Variants in ELN observed in about 807,000 individuals in gnomAD.
ELN encodes the protein tropoelastin.
Under a neutral mutation model 105.8 loss-of-function variants are expected in ELN, and 65 were observed. The ratio of observed to expected loss-of-function variants is 0.61; its 90% confidence interval spans 0.50 to 0.75. The LOEUF (loss-of-function observed/expected upper bound fraction) is 0.75, where lower values mean the gene tolerates loss of function less well. ELN is among the 30% of genes least tolerant of loss of function. The pLI, the probability that ELN is intolerant of heterozygous loss-of-function variation, is 0.00. For synonymous variants in ELN, 368 were observed against 389.2 expected (o/e 0.95, Z 0.64); for missense variants, 882 against 969.4 (o/e 0.91, Z 1.20).
At chr7:74,039,749 A>G (rs1790753560) in intron 4 of ELN, among the ~76,000 whole-genome samples, 1 of 152,244 alleles carries the variant, frequency 6.6e-6, no homozygotes, top group South Asian at 2.1e-4. Flanking sequence ...AGGTTGCACA[A>G]CTAGGTGCTT....
intron 32 of ELN, among the ~76,000 whole-genome samples, chr7:74,067,933 CAA>C (rs782107951): frequency 6.1e-3 from 122 of 19,888 alleles, no homozygotes; most frequent in African/African-American, 0.014. Flanking sequence ...GATTGCGTCT[CAA>C]AAAAAAAAAA....
At chr7:74,045,119 T>A in intron 9 of ELN, 103 bp from the exon 10 acceptor site, 1 of 1,312,754 alleles carries the variant, frequency 7.6e-7, no homozygotes, top group Admixed American at 1.7e-5. Flanking sequence ...TCACTGACAG[T>A]CAGTCCCAAG....
intron 15 of ELN, 110 bp from the exon 16 acceptor site, chr7:74,051,640 C>T: frequency 7.8e-7 from 1 of 1,278,652 alleles, no homozygotes; most frequent in South Asian, 1.3e-5. Context: ...ACCCGGGCCC[C>T]ATTCCTGGAT....
At position 74,068,769 on chromosome 7, in the gene ELN, C is replaced by T; in HGVS notation, c.*69C>T. On this transcript the variant is annotated 3_prime_UTR_variant, in exon 33 of 33. Transcript: ENST00000252034. ...TACTGCTTGGTGGAGAATGTAAACCCTTTGTAACCCCATCCCATGCCCCTC... is the reference window on the plus strand; with the variant it reads ...TACTGCTTGGTGGAGAATGTAAACCTTTTGTAACCCCATCCCATGCCCCTC... The T allele has an allele frequency of 6.3e-7, 1 of 1,585,994 alleles. No individual in the cohort carries two copies. The highest frequency in any genetic ancestry group is 1.7e-5 in the Admixed American group (1 of 59,930).
chr7:74,060,342 G>A, intron 24 of ELN, 34 bp from the exon 25 acceptor site: 1 of 1,614,110 alleles, frequency 6.2e-7, no homozygotes, highest in African/African-American at 1.3e-5. Flanking sequence ...CATGCTCCCT[G>A]CCTGCTGTCG....
chr7:74,046,717 C>T lies in ELN; in HGVS notation c.593C>T (p.Pro198Leu), dbSNP rs146729533. Reference sequence around the variant, plus strand: ...ACAGGAGTTGGACCCTTTGGGGGACCGCAACCTGGAGTCCCACTGGGGTAT... The same window carrying T: ...ACAGGAGTTGGACCCTTTGGGGGACTGCAACCTGGAGTCCCACTGGGGTAT... ...GIPGVGPFGG[P>L]QPGVPLGYPI... The change falls in exon 12 of 33, where the codon CCG (proline) becomes CTG (leucine). Residue 198 changes from proline (P) to leucine (L), a missense_variant. Physicochemically the swap from Pro to Leu is moderately conservative, Grantham distance 98. Transcript: ENST00000252034. 3.3e-5 allele frequency: 54 copies of T among 1,614,034 alleles called. No individual in the cohort carries two copies. Among genetic ancestry groups the T allele is most frequent in the African/African-American group, 9.3e-5 (7 of 74,916 alleles).
At chr7:74,038,899 C>T (rs1790552261) in intron 4 of ELN, among the ~76,000 whole-genome samples, 1 of 152,222 alleles carries the variant, frequency 6.6e-6, no homozygotes, top group Non-Finnish European at 1.5e-5. Context: ...GTCTACAGGG[C>T]TCTGCAAGGC....
At chr7:74,066,825 C>T (rs1798066375) in intron 32 of ELN, 49 bp downstream of exon 32, 1 of 1,584,568 alleles carries the variant, frequency 6.3e-7, no homozygotes, top group Non-Finnish European at 8.7e-7. Context: ...CTGCAGCCAC[C>T]TCCTCCCTCC....
chr7:74,056,486 C>T lies in ELN; in HGVS notation c.1315+51C>T, dbSNP rs201064799. On this transcript the variant is annotated intron_variant, in intron 20 of 32. Transcript: ENST00000252034. ...ATGGGTTGAGAAGGGATGGGGGCTT[C>T]TTGTCTGCTCGGCTCTGCAGGGGCA... 82 of 1,611,454 alleles carry T rather than the reference C, an allele frequency of 5.1e-5. No homozygotes were observed. In the East Asian group the frequency reaches 1.7e-3, roughly 34 times the overall value.
In ELN at chr7:74,060,285, C is replaced by T. The variant is rs1583965266; in HGVS notation, c.1622-91C>T. On this transcript the variant is annotated intron_variant, in intron 24 of 32. Coordinates refer to ENST00000252034, the MANE Select transcript of ELN (RefSeq NM_000501.4). ...GCCGCTGCTTGGATCTGGGCCCCTT[C>T]CTCTGGGACTAGGCTCAGCTCCCTG... is the stretch of plus-strand genomic sequence containing the variant. 16 of 1,613,894 alleles carry T rather than the reference C, an allele frequency of 9.9e-6. No homozygotes were observed. The East Asian group carries it at 2.2e-4, about 22-fold the overall frequency.
intron 29 of ELN, among the ~76,000 whole-genome samples, chr7:74,065,069 C>G (rs948096939): frequency 3.3e-4 from 50 of 151,546 alleles, no homozygotes; most frequent in Non-Finnish European, 5.9e-4. Context: ...AGCAAGACCC[C>G]CCCCCACCAC....
chr7:74,042,973 TG>T lies in ELN; in HGVS notation c.326-9del. ...TCCTTACGCAATGCCTCACCTGTCC[TG>T]GCTCTGCAGGCGCTGGGCTTGGTGG... On this transcript the variant is annotated splice_polypyrimidine_tract_variant and intron_variant, in intron 6 of 32. Coordinates refer to ENST00000252034, the MANE Select transcript of ELN (RefSeq NM_000501.4). The T allele has an allele frequency of 2.5e-6, 4 of 1,614,140 alleles. No individual in the cohort carries two copies. Among genetic ancestry groups the T allele is most frequent in the Non-Finnish European group, 2.5e-6 (3 of 1,180,010 alleles).
chr7:74,044,224 G>C (rs1172775975), intron 9 of ELN, among the ~76,000 whole-genome samples: 1 of 152,136 alleles, frequency 6.6e-6, no homozygotes, highest in African/African-American at 2.4e-5. Flanking sequence ...CTGGGTGACA[G>C]AGCAAGACCC....
At chr7:74,036,977 C>T (rs1312323884) in intron 3 of ELN, among the ~76,000 whole-genome samples, 3 of 152,070 alleles carry the variant, frequency 2.0e-5, no homozygotes, top group Admixed American at 6.6e-5. Flanking sequence ...CGTGCCACCA[C>T]GCCCAGCTTA....
chr7:74,045,055 G>C (rs781807282), intron 9 of ELN, among the ~76,000 whole-genome samples, 167 bp from the exon 10 acceptor site: 1 of 152,246 alleles, frequency 6.6e-6, no homozygotes. Context: ...AGACAGGGAA[G>C]GAAAGTCAGC....
intron 2 of ELN, 115 bp downstream of exon 2, chr7:74,035,529 C>A: frequency 8.0e-7 from 1 of 1,257,370 alleles, no homozygotes; most frequent in South Asian, 1.2e-5. Context: ...TACCAGAAGT[C>A]ACACCCACTT....
Position 74,043,309 on chromosome 7 carries a change from C to A in ELN, c.427+141C>A, listed in dbSNP as rs782180515. The A allele has an allele frequency of 5.4e-4, 680 of 1,268,394 alleles. 1 individual carries two copies. The highest frequency in any genetic ancestry group is 7.1e-4 in the Non-Finnish European group (646 of 904,764). 78.6% of individuals were successfully genotyped at this position (1,268,394 alleles called of 1,614,324 possible). ...CAGTCGGGCAGAGAAACTAGCCAGGCTGGTGCCTGCGTCTGTGAAATGGGG... is the reference window on the plus strand; with the variant it reads ...CAGTCGGGCAGAGAAACTAGCCAGGATGGTGCCTGCGTCTGTGAAATGGGG... On this transcript the variant is annotated intron_variant, in intron 8 of 32. Coordinates refer to ENST00000252034, the MANE Select transcript of ELN (RefSeq NM_000501.4).
At chr7:74,057,984 C>T (rs1795694210) in intron 22 of ELN, among the ~76,000 whole-genome samples, 1 of 152,024 alleles carries the variant, frequency 6.6e-6, no homozygotes, top group African/African-American at 2.4e-5. Context: ...GCTCCAGCTC[C>T]CCTTGAGGGA....
chr7:74,037,034 T>C (rs1790125445), intron 3 of ELN, among the ~76,000 whole-genome samples: 1 of 151,874 alleles, frequency 6.6e-6, no homozygotes. Context: ...TTGGCCAGGC[T>C]GGTCTCGAAC....
Sources: allele counts gnomAD v4.1 joint callset (sites outside exome capture counted in the v4.1 genomes callset), GRCh38; gene constraint gnomAD v4.1.1; transcripts MANE v1.5; gene names NCBI Gene and HGNC (gene_info 2026-07-23, HGNC 2026-07-21).